Variants in TP53BP2 observed in about 807,000 individuals in gnomAD.
The protein encoded by TP53BP2 is apoptosis-stimulating of p53 protein 2.
In TP53BP2, 62 loss-of-function variants were observed where a neutral mutation model predicts 126.2. The ratio of observed to expected loss-of-function variants is 0.49; its 90% CI spans 0.40 to 0.61. The LOEUF is 0.61. TP53BP2 is among the 20% of genes least tolerant of loss of function. TP53BP2 has a pLI of 0.00. For missense variants in TP53BP2, 1,215 were observed against 1,402.8 expected (o/e 0.87, Z 2.14); for synonymous variants, 485 against 502.9 (o/e 0.96, Z 0.48).
intron 13 of TP53BP2, among the ~76,000 whole-genome samples, chr1:223,794,876 T>C (rs1283874784): frequency 2.0e-5 from 3 of 152,244 alleles, no homozygotes; most frequent in Non-Finnish European, 4.4e-5. Context: ...TTATTATCTT[T>C]GAATACTATC....
intron 1 of TP53BP2, chr1:223,845,336 A>C (rs1664229279): frequency 1.2e-6 from 1 of 838,434 alleles, no homozygotes; most frequent in African/African-American, 1.8e-5. Context: ...GAACTGCAAA[A>C]AAGTCAAGAC....
intron 1 of TP53BP2, among the ~76,000 whole-genome samples, chr1:223,835,527 T>TCTG (rs1463359606): frequency 6.6e-6 from 1 of 152,220 alleles, no homozygotes; most frequent in Non-Finnish European, 1.5e-5. Flanking sequence ...CAGATTTCAT[T>TCTG]CTGTTTTTTA....
rs1005483118 is a variant in TP53BP2 at position 223,845,917 on chromosome 1, C to G, written c.-237G>C. The G allele has an allele frequency of 2.6e-5, 7 of 265,110 alleles. No homozygotes were observed. Among genetic ancestry groups the G allele is most frequent in the Non-Finnish European group, 4.2e-5 (6 of 142,136 alleles). The allele number at this position is 265,110 out of a possible 1,614,324, so 16.4% of individuals were successfully genotyped here. A position where few individuals can be genotyped will look rare whatever the true frequency, so the allele number is the denominator to read the frequency against. ...GGCTTTGTCTCTTCGACGCTCGTGA[C>G]GGTCGGGGCTCCCTCCTCCGCTCCG... On this transcript the variant is annotated 5_prime_UTR_variant, in exon 1 of 18. Coordinates refer to ENST00000343537, the MANE Select transcript of TP53BP2 (RefSeq NM_001031685.3).
At position 223,784,286 on chromosome 1, in the gene TP53BP2, A is replaced by G. The variant is rs753920998; in HGVS notation, c.3192T>C (p.Asn1064=). 3.7e-6 allele frequency: 6 copies of G among 1,614,190 alleles called. No homozygotes were observed. In the East Asian group the frequency reaches 1.3e-4, roughly 36 times the overall value. Residue 1064 remains asparagine, a synonymous_variant, in exon 17 of 18, where the codon AAT becomes AAC. Coordinates refer to ENST00000343537, the MANE Select transcript of TP53BP2 (RefSeq NM_001031685.3). ...CCCAAAGCGCATAAATGACTCCTTT[A>G]TTCATTATGCCCATCTTCTCCTGAA... ...YGVQEKMGIM[N]KGVIYALWDY...
chr1:223,834,785 GACC>G (rs1290645130), intron 1 of TP53BP2: 2 of 979,848 alleles, frequency 2.0e-6, no homozygotes, highest in Non-Finnish European at 2.4e-6. Flanking sequence ...ATAACTCAAA[GACC>G]ATAAAACTTC....
intron 7 of TP53BP2, 130 bp downstream of exon 7, chr1:223,803,141 G>A: frequency 1.7e-6 from 2 of 1,150,112 alleles, no homozygotes; most frequent in Non-Finnish European, 2.5e-6. Context: ...TCTGGAGTTT[G>A]GGTTCCCCCC....
chr1:223,796,029 T>G lies in TP53BP2; in HGVS notation c.2510A>C (p.Asp837Ala), dbSNP rs750540062. 2.5e-6 allele frequency: 4 copies of G among 1,614,116 alleles called. 1 individual carries two copies. The South Asian group carries it at 3.3e-5, about 13-fold the overall frequency. The change falls in exon 13 of 18, where the codon GAT becomes GCT. Residue 837 changes from aspartate (D) to alanine (A), a missense_variant. By Grantham distance (126) the Asp-to-Ala change is moderately radical (BLOSUM62 -2). Around this residue, in one of 4 missense-constraint regions of TP53BP2, gnomAD observed 204 missense variants for 225.7 expected, o/e 0.90. Coordinates refer to ENST00000343537, the MANE Select transcript of TP53BP2 (RefSeq NM_001031685.3). This position sits in a 1 kb window ranked among gnomAD's most constrained non-coding sequence, Gnocchi z 4.2. ...GTCTGGGACTCCCTCAGGCTCATAA[T>G]CAAGGCCTGGAGAAGGAGCTGGCAT... ...SDMPAPSPGL[D>A]YEPEGVPDNS...
At chr1:223,786,907 T>C (rs112888749) in intron 16 of TP53BP2, among the ~76,000 whole-genome samples, 4,704 of 148,860 alleles carry the variant, frequency 0.032, 243 homozygotes, top group African/African-American at 0.11. Flanking sequence ...CGCCCGGCTT[T>C]TTTTGTGAGA....
intron 1 of TP53BP2, among the ~76,000 whole-genome samples, chr1:223,831,760 T>C (rs906915712): frequency 8.2e-6 from 1 of 121,600 alleles, no homozygotes; most frequent in Non-Finnish European, 1.9e-5. Flanking sequence ...GAAGGAAAGA[T>C]AAAAAAAAAA....
At chr1:223,845,451 C>G (rs1664234564) in intron 1 of TP53BP2, among the ~76,000 whole-genome samples, 1 of 152,194 alleles carries the variant, frequency 6.6e-6, no homozygotes, top group African/African-American at 2.4e-5. Context: ...CTCGCCGCGC[C>G]CCCACGACGG....
At chr1:223,844,901 G>C (rs1664215708) in intron 1 of TP53BP2, among the ~76,000 whole-genome samples, 1 of 152,238 alleles carries the variant, frequency 6.6e-6, no homozygotes, top group South Asian at 2.1e-4. Context: ...ACTCGCTACT[G>C]AAGTCTGCAG....
At position 223,812,251 on chromosome 1, in the gene TP53BP2, C is replaced by T. The variant is rs145964864; in HGVS notation, c.290-1738G>A. 1.1e-4 allele frequency among the ~76,000 whole-genome samples: 17 copies of T among 152,298 alleles called. No individual in the cohort carries two copies. In the East Asian group the frequency reaches 3.1e-3, roughly 28 times the overall value. On this transcript the variant is annotated intron_variant, in intron 3 of 17. Coordinates refer to ENST00000343537, the MANE Select transcript of TP53BP2 (RefSeq NM_001031685.3). The stretch of plus-strand genomic sequence containing the variant: ...ACTTAACCCCTAAGTATCAGCATTT[C>T]TCATCTGTAGGGTAGAAGGGGCCAA...
chr1:223,795,750 C>A, intron 13 of TP53BP2, 65 bp downstream of exon 13: 1 of 1,366,570 alleles, frequency 7.3e-7, no homozygotes, highest in Non-Finnish European at 9.6e-7. Flanking sequence ...ATGAATGTGA[C>A]CACCAAGAAA....
rs1662069087 is a variant in TP53BP2, at chr1:223,789,162, ATGTAATGGAGTCCTG to A, written c.2997-3_3008del. ...GGACGTTGTTACATGAGGCAGCACA[ATGTAATGGAGTCCTG>A]TGAAGCAAGATACGAGGGCTAGAAC... On this transcript the variant is annotated splice_acceptor_variant and splice_polypyrimidine_tract_variant and coding_sequence_variant and intron_variant, in exon 16 of 18. Coordinates refer to ENST00000343537, the MANE Select transcript of TP53BP2 (RefSeq NM_001031685.3). LOFTEE classifies it high-confidence loss of function. The A allele has an allele frequency of 6.2e-7, 1 of 1,614,040 alleles. No homozygotes were observed. Among genetic ancestry groups the A allele is most frequent in the Non-Finnish European group, 8.5e-7 (1 of 1,180,010 alleles).
At chr1:223,827,647 C>T (rs1274037375) in intron 1 of TP53BP2, among the ~76,000 whole-genome samples, 1 of 152,132 alleles carries the variant, frequency 6.6e-6, no homozygotes. Flanking sequence ...TTTTACAGAC[C>T]ATTTTAATTG....
chr1:223,835,174 T>G (rs992937262), intron 1 of TP53BP2, among the ~76,000 whole-genome samples: 1 of 152,250 alleles, frequency 6.6e-6, no homozygotes. Flanking sequence ...AATGTTTATC[T>G]ATAAATGGTA....
intron 2 of TP53BP2, among the ~76,000 whole-genome samples, chr1:223,815,724 A>G (rs1446794954): frequency 6.6e-6 from 1 of 152,216 alleles, no homozygotes. Context: ...AGCCACACCT[A>G]CGGTCATGCA....
chr1:223,793,128 A>C (rs954740133), intron 14 of TP53BP2, among the ~76,000 whole-genome samples, 175 bp downstream of exon 14: 6 of 152,152 alleles, frequency 3.9e-5, no homozygotes, highest in African/African-American at 1.2e-4. Flanking sequence ...ACACAACCCC[A>C]CAATGCCTAA....
rs747573405 is a variant in TP53BP2 at position 223,798,242 on chromosome 1, G to A, written c.1921C>T (p.His641Tyr). The change falls in exon 12 of 18, where the codon CAT (histidine) becomes TAT (tyrosine). Residue 641 changes from histidine to tyrosine, a missense_variant. Around this residue, in one of 4 missense-constraint regions of TP53BP2, gnomAD observed 814 missense variants for 853.0 expected, o/e 0.95. Transcript: ENST00000343537. ...QAVQSALTKT[H>Y]TRGPHFSSVY... ...CTTGAAAAGTGTGGCCCTCTGGTAT[G>A]AGTCTTGGTCAACGCGCTCTGCACA... 1.6e-5 allele frequency: 26 copies of A among 1,613,852 alleles called. No homozygotes were observed. The highest frequency in any genetic ancestry group is 1.1e-4 in the African/African-American group (8 of 74,900).
Sources: gnomAD v4.1 joint callset for allele counts (sites outside exome capture counted in the v4.1 genomes callset) on GRCh38, gnomAD v4.1.1 for gene constraint, gnomAD v4.1.1 regional missense constraint, Gnocchi (gnomAD v3.1) non-coding constraint, MANE v1.5 for transcripts, NCBI Gene and HGNC (gene_info 2026-07-23, HGNC 2026-07-21) for gene names.